The following PACRG variants were observed in gnomAD, a reference collection of about 807,000 sequenced individuals.
PACRG encodes the protein parkin coregulated gene protein.
In PACRG, 29 loss-of-function variants were observed where a neutral mutation model predicts 29.7. The ratio of observed to expected loss-of-function variants is 0.98; its 90% CI spans 0.73 to 1.33. PACRG has a LOEUF of 1.33. PACRG is among the 40% of genes most tolerant of loss of function. The pLI, the probability that PACRG is intolerant of heterozygous loss-of-function variation, is 0.00. For missense variants in PACRG, 279 were observed against 316.2 expected, an observed-to-expected ratio of 0.88 and a Z score of 0.89; for synonymous variants, 116 against 118.7, an observed-to-expected ratio of 0.98 and a Z score of 0.15.
chr6:162,861,396 A>G (rs768572942), intron 2 of PACRG, among the ~76,000 whole-genome samples: 2 of 152,222 alleles, frequency 1.3e-5, no homozygotes, highest in Non-Finnish European at 2.9e-5. Context: ...AAATGTAGGT[A>G]ATCAAAATAT....
At chr6:163,030,121 C>A (rs1807520661) in intron 2 of PACRG, among the ~76,000 whole-genome samples, 1 of 152,088 alleles carries the variant, frequency 6.6e-6, no homozygotes, top group Admixed American at 6.6e-5. Context: ...TTTTACTCCA[C>A]TGAGTGAAGG....
intron 2 of PACRG, among the ~76,000 whole-genome samples, chr6:162,961,659 C>T (rs191982744): frequency 1.8e-4 from 27 of 152,242 alleles, no homozygotes; most frequent in Non-Finnish European, 3.4e-4. Context: ...CCACCTTCTG[C>T]CCAGTCACTT....
intron 2 of PACRG, among the ~76,000 whole-genome samples, chr6:162,976,164 G>A (rs186167620): frequency 4.1e-4 from 62 of 152,316 alleles, no homozygotes; most frequent in African/African-American, 1.3e-3. Context: ...CAGACAAGGC[G>A]AGAAGGGATG....
chr6:162,963,502 T>C (rs1000506747), intron 2 of PACRG, among the ~76,000 whole-genome samples: 13 of 151,814 alleles, frequency 8.6e-5, no homozygotes, highest in Admixed American at 3.3e-4. Flanking sequence ...AGTATGTCTA[T>C]TTGTGTCTAT....
At chr6:162,868,014 A>T (rs1792446359) in intron 2 of PACRG, among the ~76,000 whole-genome samples, 1 of 152,186 alleles carries the variant, frequency 6.6e-6, no homozygotes, top group Non-Finnish European at 1.5e-5. Context: ...TGCAGGCGCC[A>T]TTTACCCTTC....
intron 3 of PACRG, 49 bp from the exon 4 acceptor site, chr6:163,089,210 A>G (rs1250748316): frequency 6.3e-7 from 1 of 1,579,898 alleles, no homozygotes; most frequent in Non-Finnish European, 8.6e-7. Context: ...TGTAGACCTG[A>G]TGCTTTCTAT....
chr6:163,250,040 A>G (rs1350068273), intron 4 of PACRG, among the ~76,000 whole-genome samples: 2 of 152,318 alleles, frequency 1.3e-5, no homozygotes, highest in Non-Finnish European at 2.9e-5. Context: ...CACTCTTGTG[A>G]ATAGTTGGTG....
At chr6:162,756,695 T>C (rs1781952064) in intron 1 of PACRG, among the ~76,000 whole-genome samples, 1 of 152,164 alleles carries the variant, frequency 6.6e-6, no homozygotes. Flanking sequence ...GTAAATTTTT[T>C]TTATTGTTGT....
chr6:162,905,828 C>G (rs568963360), intron 2 of PACRG, among the ~76,000 whole-genome samples: 2 of 152,262 alleles, frequency 1.3e-5, no homozygotes, highest in East Asian at 3.9e-4. Context: ...TATCTAATGT[C>G]CAAACCAGTC....
upstream of PACRG, chr6:162,727,134 A>C (rs61173844): frequency 0.24 from 36,998 of 152,772 alleles, 5,210 homozygotes; most frequent in African/African-American, 0.36. Context: ...GCAAGTTTAG[A>C]TCTATCTGGA....
chr6:162,983,407 G>C (rs184320140), intron 2 of PACRG, among the ~76,000 whole-genome samples: 63 of 151,844 alleles, frequency 4.1e-4, no homozygotes, highest in African/African-American at 1.5e-3. Context: ...TATAGGCCCT[G>C]TGAGATTTAT....
chr6:163,252,131 C>G (rs1247951598), intron 4 of PACRG, among the ~76,000 whole-genome samples: 2 of 152,182 alleles, frequency 1.3e-5, no homozygotes, highest in African/African-American at 2.4e-5. Flanking sequence ...TCCTGCCTGC[C>G]TCACAATTAC....
At chr6:162,872,460 T>C (rs926623523) in intron 2 of PACRG, among the ~76,000 whole-genome samples, 1 of 152,220 alleles carries the variant, frequency 6.6e-6, no homozygotes, top group Admixed American at 6.5e-5. Context: ...AAAGAAGATA[T>C]TTAAATGTAT....
intron 2 of PACRG, among the ~76,000 whole-genome samples, chr6:162,966,867 T>C (rs1801080847): frequency 6.6e-6 from 1 of 152,182 alleles, no homozygotes; most frequent in African/African-American, 2.4e-5. Context: ...GTAAGCTAAA[T>C]GACAAATGGT....
rs943511330 is a variant in PACRG, at chr6:163,032,957, G to A, written c.292-29193G>A. On this transcript the variant is annotated intron_variant, in intron 2 of 4. Transcript: ENST00000366888. Reference sequence around the variant, plus strand: ...TTAGTTTATGGAAAAGCTGAAAAATGCCACTTTAATTTTAGTCAATGCAGA... The same window carrying A: ...TTAGTTTATGGAAAAGCTGAAAAATACCACTTTAATTTTAGTCAATGCAGA... Among the ~76,000 whole-genome samples the A allele has an allele frequency of 3.8e-4, 58 of 152,106 alleles. 3 individuals carry two copies.
intron 2 of PACRG, among the ~76,000 whole-genome samples, chr6:162,870,511 G>C (rs535019614): frequency 1.3e-5 from 2 of 152,126 alleles, no homozygotes; most frequent in East Asian, 1.9e-4. Flanking sequence ...GTGAGATTTT[G>C]GTGCACCCAT....
At chr6:163,012,025 T>C (rs1032461073) in intron 2 of PACRG, among the ~76,000 whole-genome samples, 5 of 152,064 alleles carry the variant, frequency 3.3e-5, no homozygotes, top group African/African-American at 1.2e-4. Context: ...TCACACTAAC[T>C]GAGCTCCTGT....
At chr6:162,924,023 C>A (rs892024466) in intron 2 of PACRG, among the ~76,000 whole-genome samples, 6 of 152,010 alleles carry the variant, frequency 3.9e-5, no homozygotes, top group Admixed American at 3.3e-4. Context: ...CATGAGATAT[C>A]TTTTCTTTTT....
At chr6:162,848,650 C>A (rs1381266726) in intron 2 of PACRG, among the ~76,000 whole-genome samples, 11 of 152,230 alleles carry the variant, frequency 7.2e-5, no homozygotes, top group Admixed American at 7.2e-4. Flanking sequence ...TTTTGAAACA[C>A]CTTATTTCCA....
Sources: gnomAD v4.1 joint callset for allele counts (sites outside exome capture counted in the v4.1 genomes callset) on GRCh38, gnomAD v4.1.1 for gene constraint, MANE v1.5 for transcripts, NCBI Gene and HGNC (gene_info 2026-07-23, HGNC 2026-07-21) for gene names.